The following ORC4 variants were observed in gnomAD, a reference collection of about 807,000 sequenced individuals.
The protein encoded by ORC4 is origin recognition complex subunit 4, also known as origin recognition complex, subunit 4 homolog.
A neutral mutation model predicts 63.9 loss-of-function variants in ORC4; 55 were observed. The observed-to-expected ratio is 0.86, with a 90% confidence interval of 0.69 to 1.08. The LOEUF (loss-of-function observed/expected upper bound fraction) is 1.08. Among genes scored for constraint, ORC4 ranks in the 50% least tolerant of loss-of-function variants. ORC4 has a pLI of 0.00. For missense variants in ORC4, 511 were observed against 504.4 expected, an observed-to-expected ratio of 1.01 and a Z score of -0.13; for synonymous variants, 150 against 168.5, an observed-to-expected ratio of 0.89 and a Z score of 0.85.
chr2:147,982,408 G>T (rs1177483134), intron 1 of ORC4, among the ~76,000 whole-genome samples: 2 of 152,136 alleles, frequency 1.3e-5, no homozygotes, highest in Non-Finnish European at 2.9e-5. Flanking sequence ...GGCTTTTGCA[G>T]TATGTTTTAT....
chr2:147,975,092 T>C (rs1238139701), intron 2 of ORC4, among the ~76,000 whole-genome samples: 1 of 152,126 alleles, frequency 6.6e-6, no homozygotes, highest in Non-Finnish European at 1.5e-5. Flanking sequence ...GAAAGCCAAG[T>C]CGTATAAAAG....
Position 147,935,235 on chromosome 2 carries a change from A to G in ORC4, c.*275T>C, listed in dbSNP as rs111856332. On this transcript the variant is annotated 3_prime_UTR_variant, in exon 14 of 14. Coordinates refer to ENST00000392857, the MANE Select transcript of ORC4 (RefSeq NM_181741.4). ...GCTCTTCAAATAGACCATTATATAT[A>G]TAAGTGTTAAAAAAGCACATGGTCT... 308 of 437,114 alleles carry G rather than the reference A, an allele frequency of 7.0e-4. No individual in the cohort carries two copies. The highest frequency in any genetic ancestry group is 5.6e-3 in the African/African-American group (282 of 50,166). 27.1% of individuals were successfully genotyped at this position (437,114 alleles called of 1,614,324 possible). A position where few individuals can be genotyped will look rare whatever the true frequency, so the allele number is the denominator to read the frequency against.
chr2:147,938,285 A>G lies in ORC4; in HGVS notation c.1054+13T>C. The G allele has an allele frequency of 6.3e-7, 1 of 1,592,476 alleles. No individual in the cohort carries two copies. On this transcript the variant is annotated intron_variant, in intron 12 of 13. Transcript: ENST00000392857. ...GGAAGAGTCAGAAAAAAGCTACTTAAGTCTCATCTCACCATTATAGACCAT... is the reference window on the plus strand; with the variant it reads ...GGAAGAGTCAGAAAAAAGCTACTTAGGTCTCATCTCACCATTATAGACCAT...
intron 8 of ORC4, among the ~76,000 whole-genome samples, chr2:147,951,975 A>T (rs577125939): frequency 4.5e-4 from 68 of 152,350 alleles, no homozygotes; most frequent in African/African-American, 1.6e-3. Context: ...GTGTACTTTG[A>T]AAGTTGGAAT....
In ORC4 at chr2:147,935,693, A is replaced by C; in HGVS notation, c.1128T>G (p.Phe376Leu). 5 of 1,611,776 alleles carry C rather than the reference A, an allele frequency of 3.1e-6. No homozygotes were observed. Among genetic ancestry groups the C allele is most frequent in the Non-Finnish European group, 4.2e-6 (5 of 1,179,212 alleles). The change falls in exon 14 of 14, where the codon TTT becomes TTG. Residue 376 changes from phenylalanine to leucine, a missense_variant. Phe to Leu is a conservative substitution (Grantham distance 22, BLOSUM62 0). Coordinates refer to ENST00000392857, the MANE Select transcript of ORC4 (RefSeq NM_181741.4). The part of the protein sequence containing the change: ...NFEKPVVMKA[F>L]EHLQQLELIK... ...TTAATTCTAATTGCTGCAAGTGTTC[A>C]AAAGCCTGAAAGATGAAAGAAATAG...
intron 1 of ORC4, among the ~76,000 whole-genome samples, chr2:148,003,515 G>A (rs1005907825): frequency 1.3e-5 from 2 of 151,554 alleles, no homozygotes; most frequent in East Asian, 1.9e-4. Context: ...GAAAAACCAC[G>A]ATTATCTCAA....
intron 4 of ORC4, among the ~76,000 whole-genome samples, chr2:147,962,637 C>A (rs746981526): frequency 2.0e-5 from 3 of 152,144 alleles, no homozygotes; most frequent in Non-Finnish European, 4.4e-5. Flanking sequence ...GGCAGTCCCA[C>A]CCAGGGCAAA....
At chr2:147,948,403 T>C (rs1335479704) in intron 8 of ORC4, among the ~76,000 whole-genome samples, 179 bp from the exon 9 acceptor site, 1 of 152,102 alleles carries the variant, frequency 6.6e-6, no homozygotes, top group East Asian at 1.9e-4. Flanking sequence ...CTCCAGGCAT[T>C]TGCTGGCTTG....
chr2:147,967,388 A>G (rs1307092290), intron 4 of ORC4, among the ~76,000 whole-genome samples: 1 of 152,074 alleles, frequency 6.6e-6, no homozygotes, highest in Non-Finnish European at 1.5e-5. Context: ...ACATAATCTT[A>G]TATATAGAAA....
chr2:147,975,836 A>G (rs772019909), intron 2 of ORC4, 66 bp downstream of exon 2: 1 of 940,266 alleles, frequency 1.1e-6, no homozygotes, highest in South Asian at 1.3e-5. Flanking sequence ...GGTTAAGAAG[A>G]TAACTATTTC....
At chr2:147,937,122 A>C (rs1688098024) in intron 13 of ORC4, 1 of 152,096 alleles carries the variant, frequency 6.6e-6, no homozygotes, top group Non-Finnish European at 1.5e-5. Flanking sequence ...CCAGTATTGT[A>C]AAATACTTTT....
chr2:147,949,143 T>A (rs2105288957), intron 8 of ORC4, among the ~76,000 whole-genome samples: 1 of 143,846 alleles, frequency 7.0e-6, no homozygotes. Context: ...ACAAAAAAAG[T>A]GTATGTGAAT....
intron 4 of ORC4, among the ~76,000 whole-genome samples, chr2:147,970,277 AT>A (rs1436307712): frequency 6.6e-6 from 1 of 152,232 alleles, no homozygotes; most frequent in Non-Finnish European, 1.5e-5. Flanking sequence ...TGATGTATAA[AT>A]TTAACTCAAA....
chr2:147,973,987 T>C (rs1310170621), intron 2 of ORC4, among the ~76,000 whole-genome samples: 2 of 152,050 alleles, frequency 1.3e-5, no homozygotes, highest in Non-Finnish European at 2.9e-5. Flanking sequence ...AATACAGAGG[T>C]CTTTCAAGGA....
intron 1 of ORC4, among the ~76,000 whole-genome samples, chr2:148,004,419 A>G (rs1407814897): frequency 6.6e-6 from 1 of 152,188 alleles, no homozygotes; most frequent in African/African-American, 2.4e-5. Flanking sequence ...ACAGATATAC[A>G]GACCAATGGA....
intron 1 of ORC4, among the ~76,000 whole-genome samples, chr2:147,985,655 G>T (rs1462618806): frequency 6.6e-6 from 1 of 152,160 alleles, no homozygotes; most frequent in East Asian, 1.9e-4. Context: ...ACTAACTTAA[G>T]CTCCTCATCT....
chr2:147,977,683 C>G (rs1690644644), intron 1 of ORC4, among the ~76,000 whole-genome samples: 1 of 152,190 alleles, frequency 6.6e-6, no homozygotes, highest in Non-Finnish European at 1.5e-5. Context: ...GGGGCTGTAG[C>G]AGGATATGAA....
intron 1 of ORC4, among the ~76,000 whole-genome samples, chr2:147,986,165 G>C (rs1188731941): frequency 4.6e-5 from 7 of 152,088 alleles, no homozygotes; most frequent in Non-Finnish European, 1.0e-4. Context: ...GTTTCGTACA[G>C]AAACTCTGGA....
At chr2:147,936,169 A>G (rs552672964) in intron 13 of ORC4, 17 of 174,662 alleles carry the variant, frequency 9.7e-5, no homozygotes, top group Middle Eastern at 3.0e-3. Context: ...GGAGGCAGAA[A>G]AAGACCCTTG....
Sources: gnomAD v4.1 joint callset for allele counts (sites outside exome capture counted in the v4.1 genomes callset) on GRCh38, gnomAD v4.1.1 for gene constraint, MANE v1.5 for transcripts, NCBI Gene and HGNC (gene_info 2026-07-23, HGNC 2026-07-21) for gene names.